TSPAN18: variants seen among roughly 807,000 people sequenced by gnomAD.
TSPAN18 encodes tetraspanin 18.
In TSPAN18, 14 loss-of-function variants were observed where a neutral mutation model predicts 27.3. The ratio of observed to expected loss-of-function variants is 0.51; its 90% CI spans 0.34 to 0.80. The LOEUF (loss-of-function observed/expected upper bound fraction) is 0.80, where lower values mean the gene tolerates loss of function less well. TSPAN18 is among the 30% of genes least tolerant of loss of function. The pLI is 0.01. For missense variants in TSPAN18, 268 were observed against 323.9 expected, an observed-to-expected ratio of 0.83 and a Z score of 1.32; for synonymous variants, 143 against 136.5, an observed-to-expected ratio of 1.05 and a Z score of -0.33.
In TSPAN18 at chr11:44,776,435, G is replaced by T. The variant is rs568272064; in HGVS notation, c.-153+11923G>T. On this transcript the variant is annotated intron_variant, in intron 2 of 9. Coordinates refer to ENST00000520358, the MANE Select transcript of TSPAN18 (RefSeq NM_130783.5). ...GTTTCTTTATCTGTGAATTGGGCAC[G>T]ATAACCTTTCCCTACAGAGCTACTG... Among the ~76,000 whole-genome samples, 5 of 152,204 alleles carry T rather than the reference G, an allele frequency of 3.3e-5. No homozygotes were observed. The East Asian group carries it at 9.7e-4, about 29-fold the overall frequency.
At chr11:44,900,680 C>CTTTTTTTTTTTTTTT (rs72469181) in intron 3 of TSPAN18, among the ~76,000 whole-genome samples, 2 of 49,702 alleles carry the variant, frequency 4.0e-5, no homozygotes, top group African/African-American at 1.8e-4. Flanking sequence ...TTGAGGAAGG[C>CTTTTTTTTTTTTTTT]TTTTTTTTTT....
chr11:44,867,388 T>C (rs920330031), intron 3 of TSPAN18, among the ~76,000 whole-genome samples: 2 of 98,198 alleles, frequency 2.0e-5, no homozygotes, highest in Non-Finnish European at 3.9e-5. Flanking sequence ...GGTTTATGAA[T>C]CTTTTTTTTT....
chr11:44,815,074 A>G (rs1856793557), intron 2 of TSPAN18, among the ~76,000 whole-genome samples: 1 of 152,276 alleles, frequency 6.6e-6, no homozygotes, highest in African/African-American at 2.4e-5. Flanking sequence ...GGCAGTGGGA[A>G]GATTAGAGTG....
At chr11:44,807,079 C>T (rs1856608080) in intron 2 of TSPAN18, among the ~76,000 whole-genome samples, 1 of 151,480 alleles carries the variant, frequency 6.6e-6, no homozygotes, top group Non-Finnish European at 1.5e-5. Context: ...CAGTACAAGC[C>T]AGGGACAGTC....
At chr11:44,909,011 C>G (rs1216329515) in intron 4 of TSPAN18, among the ~76,000 whole-genome samples, 2 of 152,130 alleles carry the variant, frequency 1.3e-5, no homozygotes, top group Non-Finnish European at 2.9e-5. Context: ...AGCTCTCTCT[C>G]TAGACTACGC....
intron 6 of TSPAN18, among the ~76,000 whole-genome samples, chr11:44,918,351 T>G (rs904809689): frequency 1.3e-5 from 2 of 152,050 alleles, no homozygotes; most frequent in African/African-American, 4.8e-5. Flanking sequence ...AGTGAGACAG[T>G]CAGAATAGTC....
At chr11:44,894,410 C>T (rs1196242816) in intron 3 of TSPAN18, among the ~76,000 whole-genome samples, 1 of 152,236 alleles carries the variant, frequency 6.6e-6, no homozygotes, top group Non-Finnish European at 1.5e-5. Flanking sequence ...CCACTGGGGG[C>T]TTCTCCATCT....
intron 1 of TSPAN18, among the ~76,000 whole-genome samples, chr11:44,753,437 A>T (rs1481922424): frequency 6.6e-6 from 1 of 152,158 alleles, no homozygotes; most frequent in Non-Finnish European, 1.5e-5. Flanking sequence ...CAGCCAGCGC[A>T]TCCATTTTCA....
chr11:44,925,301 T>C (rs1460897408), intron 8 of TSPAN18, among the ~76,000 whole-genome samples: 1 of 152,234 alleles, frequency 6.6e-6, no homozygotes, highest in Non-Finnish European at 1.5e-5. Context: ...GGCATCTGCA[T>C]TGCCAACCAC....
intron 3 of TSPAN18, among the ~76,000 whole-genome samples, chr11:44,901,570 ACAGT>A (rs1195728078): frequency 6.6e-6 from 1 of 152,354 alleles, no homozygotes; most frequent in South Asian, 2.1e-4. Context: ...GGCAGAGGAA[ACAGT>A]CAGGCCATCA....
At chr11:44,908,780 A>G (rs1265732386) in intron 4 of TSPAN18, among the ~76,000 whole-genome samples, 1 of 127,792 alleles carries the variant, frequency 7.8e-6, no homozygotes, top group East Asian at 2.4e-4. Flanking sequence ...AGAAAGAAAG[A>G]AAGAAAGAAA....
intron 3 of TSPAN18, among the ~76,000 whole-genome samples, chr11:44,900,970 CA>C (rs1859242502): frequency 6.6e-6 from 1 of 152,154 alleles, no homozygotes; most frequent in Non-Finnish European, 1.5e-5. Flanking sequence ...GCTGGGATTA[CA>C]AGCGTGAGCC....
rs116544116 is a variant in TSPAN18, at chr11:44,915,851, G to A, written c.259-2121G>A. On this transcript the variant is annotated intron_variant, in intron 5 of 9. Coordinates refer to ENST00000520358, the MANE Select transcript of TSPAN18 (RefSeq NM_130783.5). ...GGGGAAACTACACAAAAAAGAGACC[G>A]TGAGAACAGCGTCCGGTGCCCGGCG... Among the ~76,000 whole-genome samples, 1,352 of 152,312 alleles carry A rather than the reference G, an allele frequency of 8.9e-3. 12 individuals are homozygous for A. Among genetic ancestry groups the A allele is most frequent in the African/African-American group, 0.03 (1,261 of 41,568 alleles).
At position 44,819,437 on chromosome 11, in the gene TSPAN18, G is replaced by A. The variant is rs77401958; in HGVS notation, c.-152-40891G>A. On this transcript the variant is annotated intron_variant, in intron 2 of 9. Coordinates refer to ENST00000520358, the MANE Select transcript of TSPAN18 (RefSeq NM_130783.5). ...TGTTGGGAAGGGAGGTGGACTGTGC[G>A]CATGTGCATGTGTGTCGGGTTCTTT... Among the ~76,000 whole-genome samples, 55 of 152,286 alleles carry A rather than the reference G, an allele frequency of 3.6e-4. No individual in the cohort carries two copies. The East Asian group carries it at 0.01, about 28-fold the overall frequency.
chr11:44,803,298 G>A (rs780035100), intron 2 of TSPAN18, among the ~76,000 whole-genome samples: 1 of 152,136 alleles, frequency 6.6e-6, no homozygotes. Context: ...TTGGGTGGAG[G>A]GACAGCATTT....
In TSPAN18 at chr11:44,919,959, A is replaced by C. The variant is rs910765799; in HGVS notation, c.575A>C (p.Glu192Ala). ...CGGGACGGGGTCCTGCTGAGCCGGG[A>C]GGAGTGCCTCCTGGGAAGGAGCCTA... ...QSRDGVLLSR[E>A]ECLLGRSLFL... Residue 192 changes from glutamate (E) to alanine (A), a missense_variant, in exon 8 of 10, where the codon GAG (glutamate) becomes GCG (alanine). Physicochemically the swap from Glu to Ala is moderately radical, Grantham distance 107. Transcript: ENST00000520358. The C allele has an allele frequency of 1.9e-6, 3 of 1,614,068 alleles. No homozygotes were observed. In the Admixed American group the frequency reaches 5.0e-5, roughly 27 times the overall value.
rs758849594 is a variant in TSPAN18, at chr11:44,919,255, C to T, written c.375C>T (p.Tyr125=). 5 of 1,614,146 alleles carry T rather than the reference C, an allele frequency of 3.1e-6. No homozygotes were observed. Among genetic ancestry groups the T allele is most frequent in the Non-Finnish European group, 4.2e-6 (5 of 1,180,002 alleles). Residue 125 remains tyrosine, a synonymous_variant, in exon 7 of 10, where the codon TAC becomes TAT. Coordinates refer to ENST00000520358, the MANE Select transcript of TSPAN18 (RefSeq NM_130783.5). The part of the protein sequence containing the change: ...EFFTKELTKH[Y]QGNNDTDVFS... ...TCACCAAGGAGCTCACCAAGCACTA[C>T]CAGGGCAATAACGACACAGACGTCT...
chr11:44,747,983 C>A (rs1254000437), intron 1 of TSPAN18, among the ~76,000 whole-genome samples: 1 of 152,254 alleles, frequency 6.6e-6, no homozygotes, highest in African/African-American at 2.4e-5. Flanking sequence ...GGTCAGAAGA[C>A]TTCGGTTCTC....
chr11:44,927,943 C>T (rs951103078), intron 9 of TSPAN18, among the ~76,000 whole-genome samples: 12 of 152,076 alleles, frequency 7.9e-5, no homozygotes, highest in African/African-American at 2.9e-4. Flanking sequence ...GATCTGCTGC[C>T]TCACTCCCAG....
Sources: allele counts gnomAD v4.1 joint callset (sites outside exome capture counted in the v4.1 genomes callset), GRCh38; gene constraint gnomAD v4.1.1; transcripts MANE v1.5; gene names NCBI Gene and HGNC (gene_info 2026-07-23, HGNC 2026-07-21).